The following SLC22A15 variants were observed in gnomAD, a reference collection of about 807,000 sequenced individuals.
The protein encoded by SLC22A15 is flipt 1.
In SLC22A15, 45 loss-of-function variants were observed where a neutral mutation model predicts 62.7. The observed-to-expected ratio is 0.72, with a 90% CI of 0.56 to 0.92. SLC22A15 has a LOEUF of 0.92. Among genes scored for constraint, SLC22A15 ranks in the 40% least tolerant of loss-of-function variants. SLC22A15 has a pLI of 0.00. For synonymous variants in SLC22A15, 264 were observed against 267.0 expected, an observed-to-expected ratio of 0.99 and a Z score of 0.11; for missense variants, 622 against 665.6, an observed-to-expected ratio of 0.93 and a Z score of 0.72.
intron 2 of SLC22A15, among the ~76,000 whole-genome samples, chr1:116,006,355 G>A (rs899568610): frequency 1.2e-4 from 18 of 152,146 alleles, no homozygotes; most frequent in African/African-American, 3.6e-4. Context: ...CCGACTGAAG[G>A]TGGAAGACAG....
intron 5 of SLC22A15, among the ~76,000 whole-genome samples, chr1:116,030,338 T>C (rs1657330586): frequency 6.6e-6 from 1 of 152,226 alleles, no homozygotes; most frequent in African/African-American, 2.4e-5. Flanking sequence ...GTAGTGTTTG[T>C]TCCTAATTCA....
chr1:116,020,972 T>C (rs1656806069), intron 4 of SLC22A15, 87 bp downstream of exon 4: 1 of 1,257,682 alleles, frequency 8.0e-7, no homozygotes, highest in Non-Finnish European at 1.1e-6. Context: ...AGTCTGGAAA[T>C]GCATTTGGAC....
At chr1:116,064,213 A>C (rs1332695338) in intron 9 of SLC22A15, among the ~76,000 whole-genome samples, 1 of 151,924 alleles carries the variant, frequency 6.6e-6, no homozygotes, top group Non-Finnish European at 1.5e-5. Flanking sequence ...CATTTCAAGC[A>C]CTCAGTAGTG....
chr1:116,023,800 T>C (rs558409463), intron 4 of SLC22A15, among the ~76,000 whole-genome samples: 8 of 152,344 alleles, frequency 5.3e-5, no homozygotes, highest in South Asian at 2.1e-4. Context: ...GTGTTTGATC[T>C]AAGACATGAA....
chr1:115,983,565 G>A (rs1654715773), intron 1 of SLC22A15, among the ~76,000 whole-genome samples: 3 of 152,300 alleles, frequency 2.0e-5, no homozygotes, highest in African/African-American at 4.8e-5. Context: ...CTGTAAGGCT[G>A]TTGTCTTCGT....
At chr1:116,053,445 G>T (rs1197419207) in intron 8 of SLC22A15, among the ~76,000 whole-genome samples, 1 of 152,240 alleles carries the variant, frequency 6.6e-6, no homozygotes, top group African/African-American at 2.4e-5. Flanking sequence ...ACCTGAAAGT[G>T]ACGGGGAGAA....
chr1:116,045,236 G>A (rs149330751), intron 8 of SLC22A15, among the ~76,000 whole-genome samples: 3,596 of 151,498 alleles, frequency 0.024, 140 homozygotes, highest in African/African-American at 0.083. Context: ...TAGTAGAGAC[G>A]GAGTTTCACC....
At position 116,069,117 on chromosome 1, in the gene SLC22A15, G is replaced by A. The variant is rs150972488; in HGVS notation, c.*2009G>A. On this transcript the variant is annotated 3_prime_UTR_variant, in exon 12 of 12. Coordinates refer to ENST00000369503, the MANE Select transcript of SLC22A15 (RefSeq NM_018420.3). ...ATAGAGTTCAATTAGTTCTATCCCT[G>A]GGTTTCCTTTCTTAGCTATGGGGTG... 3.0e-4 allele frequency: 45 copies of A among 152,224 alleles called. No homozygotes were observed. The highest frequency in any genetic ancestry group is 1.0e-3 in the African/African-American group (43 of 41,534). The allele number at this position is 152,224 out of a possible 1,614,324, so 9.4% of individuals were successfully genotyped here. A position where few individuals can be genotyped will look rare whatever the true frequency, so the allele number is the denominator to read the frequency against.
rs370239717 is a variant in SLC22A15, at chr1:116,066,618, G to A, written c.1464G>A (p.Pro488=). ...SLLLPETLNS[P]LLETFSDLQV... The stretch of plus-strand genomic sequence containing the variant: ...TATTGCCGGAGACCCTTAACAGTCC[G>A]CTGCTAGAAACATTCTCCGACCTTC... The change falls in exon 11 of 12, where the codon CCG becomes CCA. Residue 488 remains proline, a synonymous_variant. Coordinates refer to ENST00000369503, the MANE Select transcript of SLC22A15 (RefSeq NM_018420.3). 34 of 1,611,108 alleles carry A rather than the reference G, an allele frequency of 2.1e-5. No homozygotes were observed. In the East Asian group the frequency reaches 3.3e-4, roughly 16 times the overall value.
chr1:116,060,021 G>A (rs1023600446), intron 8 of SLC22A15, among the ~76,000 whole-genome samples: 11 of 151,888 alleles, frequency 7.2e-5, no homozygotes, highest in Admixed American at 2.0e-4. Flanking sequence ...CTTTTAAATC[G>A]CTCTTTTTTC....
intron 3 of SLC22A15, 43 bp downstream of exon 3, chr1:116,019,757 T>G: frequency 6.4e-7 from 1 of 1,565,728 alleles, no homozygotes; most frequent in Non-Finnish European, 8.6e-7. Context: ...GAGGGCTTAT[T>G]TCTCTAAGAT....
intron 2 of SLC22A15, among the ~76,000 whole-genome samples, chr1:116,005,734 C>A (rs1655943627): frequency 6.6e-6 from 1 of 152,134 alleles, no homozygotes; most frequent in Admixed American, 6.5e-5. Flanking sequence ...CTTCCAGAGT[C>A]CATGTTGGCT....
At chr1:115,985,681 G>T (rs1264856853) in intron 1 of SLC22A15, among the ~76,000 whole-genome samples, 2 of 151,956 alleles carry the variant, frequency 1.3e-5, no homozygotes, top group African/African-American at 2.4e-5. Flanking sequence ...GGGCGCGGTG[G>T]CTCATGCCTG....
At chr1:116,048,866 C>T (rs1181733002) in intron 8 of SLC22A15, among the ~76,000 whole-genome samples, 1 of 152,160 alleles carries the variant, frequency 6.6e-6, no homozygotes, top group East Asian at 1.9e-4. Context: ...TCACCTAACA[C>T]ATTAAGGACT....
At chr1:116,021,003 A>G in intron 4 of SLC22A15, 118 bp downstream of exon 4, 1 of 906,834 alleles carries the variant, frequency 1.1e-6, no homozygotes, top group Non-Finnish European at 1.6e-6. Context: ...TTATCCAACT[A>G]TTAGATTTGC....
At chr1:116,036,421 A>T (rs577128475) in intron 7 of SLC22A15, among the ~76,000 whole-genome samples, 1 of 152,194 alleles carries the variant, frequency 6.6e-6, no homozygotes, top group Non-Finnish European at 1.5e-5. Flanking sequence ...ATGACCTGGA[A>T]AAGAACACTC....
intron 2 of SLC22A15, among the ~76,000 whole-genome samples, chr1:116,006,799 C>A (rs541169307): frequency 1.3e-5 from 2 of 152,058 alleles, no homozygotes; most frequent in Admixed American, 6.6e-5. Flanking sequence ...GTTTCTGTTT[C>A]TCTTTCTCTT....
intron 2 of SLC22A15, among the ~76,000 whole-genome samples, chr1:116,013,562 A>G (rs1046353827): frequency 6.6e-6 from 1 of 152,180 alleles, no homozygotes; most frequent in African/African-American, 2.4e-5. Context: ...CCTCTTTGAC[A>G]TATCTTTGAT....
chr1:115,999,283 A>G (rs966151196), intron 2 of SLC22A15, among the ~76,000 whole-genome samples: 1 of 152,176 alleles, frequency 6.6e-6, no homozygotes, highest in Non-Finnish European at 1.5e-5. Flanking sequence ...TGTTTTGTAA[A>G]TATTTATTTG....
Sources: allele counts gnomAD v4.1 joint callset (sites outside exome capture counted in the v4.1 genomes callset), GRCh38; gene constraint gnomAD v4.1.1; transcripts MANE v1.5; gene names NCBI Gene and HGNC (gene_info 2026-07-23, HGNC 2026-07-21).